GRID2: variants seen among roughly 807,000 people sequenced by gnomAD.
The protein encoded by GRID2 is glutamate ionotropic receptor delta type subunit 2.
Under a neutral mutation model 114.8 loss-of-function variants are expected in GRID2, and 33 were observed. The ratio of observed to expected loss-of-function variants is 0.29; its 90% CI spans 0.22 to 0.38. The LOEUF (loss-of-function observed/expected upper bound fraction) is 0.38, where lower values mean the gene tolerates loss of function less well. Ranked by LOEUF, GRID2 falls within the 10% of genes least tolerant of loss-of-function variation. The pLI is 1.00. For synonymous variants in GRID2, 505 were observed against 449.9 expected (o/e 1.12, Z -1.55); for missense variants, 1,184 against 1,257.7 (o/e 0.94, Z 0.89).
chr4:92,786,223 C>T (rs12647836), intron 2 of GRID2, among the ~76,000 whole-genome samples: 3,446 of 151,728 alleles, frequency 0.023, 95 homozygotes, highest in East Asian at 0.12. Context: ...CTCTGTAATC[C>T]AGTTATTAAG....
chr4:93,807,929 G>A (rs6857138), exon 2 of GRID2: 49,942 of 151,814 alleles, frequency 0.33, 9,159 homozygotes, highest in Non-Finnish European at 0.41. Context: ...GCTAGAACAG[G>A]CTAACAATGG....
At chr4:93,618,115 C>G (rs1741875232) in intron 13 of GRID2, among the ~76,000 whole-genome samples, 1 of 152,168 alleles carries the variant, frequency 6.6e-6, no homozygotes, top group South Asian at 2.1e-4. Context: ...CTAGCTCTTC[C>G]TATTAAGCTT....
intron 2 of GRID2, among the ~76,000 whole-genome samples, chr4:92,707,352 G>A (rs556051953): frequency 6.6e-6 from 1 of 152,192 alleles, no homozygotes; most frequent in South Asian, 2.1e-4. Context: ...CCTATAAATG[G>A]ATAGCAAAAT....
chr4:93,476,866 C>T (rs997421712), intron 11 of GRID2, among the ~76,000 whole-genome samples: 9 of 151,882 alleles, frequency 5.9e-5, no homozygotes, highest in Non-Finnish European at 1.3e-4. Context: ...GTAGTTTTGA[C>T]AGATACTGGA....
At position 92,332,226 on chromosome 4, in the gene GRID2, G is replaced by A. The variant is rs533340961; in HGVS notation, c.88+27482G>A. On this transcript the variant is annotated intron_variant, in intron 1 of 15. Transcript: ENST00000282020. ...GTGGCTGAGAGGTCCACGATTGAGG[G>A]GCTGCATCTTGTGAGGGTCTTCTTG... Among the ~76,000 whole-genome samples the A allele has an allele frequency of 2.0e-5, 3 of 152,056 alleles. No homozygotes were observed. In the South Asian group the frequency reaches 6.2e-4, roughly 32 times the overall value.
intron 13 of GRID2, among the ~76,000 whole-genome samples, chr4:93,618,411 C>G (rs1741908114): frequency 6.6e-6 from 1 of 152,084 alleles, no homozygotes; most frequent in African/African-American, 2.4e-5. Flanking sequence ...TTGAAGTAGC[C>G]TAGGGACTGG....
intron 8 of GRID2, among the ~76,000 whole-genome samples, chr4:93,361,864 G>A (rs1057008799): frequency 6.6e-6 from 1 of 151,992 alleles, no homozygotes; most frequent in Non-Finnish European, 1.5e-5. Context: ...TCCAGGAAAC[G>A]TGCAGGATGT....
chr4:92,993,074 C>T (rs1755002277), intron 2 of GRID2, among the ~76,000 whole-genome samples: 2 of 151,902 alleles, frequency 1.3e-5, no homozygotes, highest in Admixed American at 1.3e-4. Flanking sequence ...TTTGTGTATC[C>T]ATCGAATTAC....
chr4:92,907,369 A>G lies in GRID2; in HGVS notation c.245-177626A>G, dbSNP rs541767837. 3.9e-4 allele frequency among the ~76,000 whole-genome samples: 60 copies of G among 152,244 alleles called. 1 individual carries two copies. Among genetic ancestry groups the G allele is most frequent in the Non-Finnish European group, 7.4e-4 (50 of 68,022 alleles). On this transcript the variant is annotated intron_variant, in intron 2 of 15. Coordinates refer to ENST00000282020, the MANE Select transcript of GRID2 (RefSeq NM_001510.4). Reference sequence around the variant, plus strand: ...TATAGGTAGGTATTTGGTACCTCTTAGAATATTATCTACCTGTCCTAGAAA... The same window carrying G: ...TATAGGTAGGTATTTGGTACCTCTTGGAATATTATCTACCTGTCCTAGAAA...
intron 14 of GRID2, among the ~76,000 whole-genome samples, chr4:93,681,326 T>A (rs896783939): frequency 2.0e-5 from 3 of 151,486 alleles, no homozygotes; most frequent in African/African-American, 7.3e-5. Context: ...GTAGGAAGAA[T>A]CAATATCGTG....
intron 1 of GRID2, among the ~76,000 whole-genome samples, chr4:92,473,676 G>T (rs1286320797): frequency 6.6e-6 from 1 of 151,956 alleles, no homozygotes; most frequent in Non-Finnish European, 1.5e-5. Context: ...AGAAATATGT[G>T]TTCAGCTGTT....
intron 13 of GRID2, among the ~76,000 whole-genome samples, chr4:93,566,375 A>T (rs571353915): frequency 2.2e-4 from 34 of 152,254 alleles, no homozygotes; most frequent in Non-Finnish European, 5.9e-5. Flanking sequence ...TGGGGAAGGG[A>T]TTGACTGCAA....
chr4:93,646,503 A>G (rs1474134046), intron 14 of GRID2, among the ~76,000 whole-genome samples: 2 of 152,176 alleles, frequency 1.3e-5, no homozygotes, highest in Non-Finnish European at 2.9e-5. Context: ...ATACAATAGA[A>G]CCTTGAAAAA....
At chr4:92,415,610 C>G (rs1647308186) in intron 1 of GRID2, among the ~76,000 whole-genome samples, 2 of 151,330 alleles carry the variant, frequency 1.3e-5, no homozygotes, top group African/African-American at 4.9e-5. Context: ...GAATAATGGT[C>G]TCCAGCTCCA....
chr4:92,348,055 A>C (rs1433106701), intron 1 of GRID2, among the ~76,000 whole-genome samples: 1 of 152,180 alleles, frequency 6.6e-6, no homozygotes, highest in Non-Finnish European at 1.5e-5. Context: ...TCTTGGGCTC[A>C]ACTGATACTC....
At position 92,946,498 on chromosome 4, in the gene GRID2, C is replaced by T. The variant is rs925826484; in HGVS notation, c.245-138497C>T. Among the ~76,000 whole-genome samples, 3 of 152,150 alleles carry T rather than the reference C, an allele frequency of 2.0e-5. No individual in the cohort carries two copies. The East Asian group carries it at 5.8e-4, about 29-fold the overall frequency. On this transcript the variant is annotated intron_variant, in intron 2 of 15. Transcript: ENST00000282020. ...TTCCTAAATACCTTTTCTTCCCCCC[C>T]AAAATTATATTAATAACTTTTATTT...
intron 2 of GRID2, among the ~76,000 whole-genome samples, chr4:92,705,665 A>G (rs1480405508): frequency 1.3e-5 from 2 of 152,210 alleles, no homozygotes; most frequent in African/African-American, 4.8e-5. Context: ...TGCCTATTTC[A>G]TAATGCCTCT....
chr4:93,047,883 C>CA (rs202164662), intron 2 of GRID2, among the ~76,000 whole-genome samples: 4,193 of 147,666 alleles, frequency 0.028, 67 homozygotes, highest in East Asian at 0.06. Flanking sequence ...AACAAACAAA[C>CA]AAAAAAAACA....
chr4:92,691,357 T>G (rs920667745), intron 2 of GRID2, among the ~76,000 whole-genome samples: 2 of 151,960 alleles, frequency 1.3e-5, no homozygotes, highest in African/African-American at 4.8e-5. Flanking sequence ...AAGCAGATAA[T>G]CAATGAGAAT....
Sources: allele counts gnomAD v4.1 joint callset (sites outside exome capture counted in the v4.1 genomes callset), GRCh38; gene constraint gnomAD v4.1.1; transcripts MANE v1.5; gene names NCBI Gene and HGNC (gene_info 2026-07-23, HGNC 2026-07-21).